Variants in DMD observed in about 807,000 individuals in gnomAD.
The protein encoded by DMD is mutant dystrophin.
Under a neutral mutation model 330.1 loss-of-function variants are expected in DMD, and 63 were observed. The observed-to-expected ratio is 0.19, with a 90% CI of 0.16 to 0.24. DMD has a LOEUF of 0.24. DMD is among the 10% of genes least tolerant of loss of function. DMD has a pLI of 1.00. For synonymous variants in DMD, 1,223 were observed against 959.8 expected (o/e 1.27, Z -5.07); for missense variants, 3,344 against 2,684.1 (o/e 1.25, Z -5.43).
At chrX:32,602,887 G>T (rs190783644) in intron 12 of DMD, among the ~76,000 whole-genome samples, 10 of 111,192 alleles carry the variant, frequency 9.0e-5, no homozygotes, top group African/African-American at 3.3e-4. Flanking sequence ...GGAGAGAAAT[G>T]GTCTCAAAGG....
chrX:32,568,059 G>T (rs1208919634), intron 15 of DMD, among the ~76,000 whole-genome samples: 1 of 112,263 alleles, frequency 8.9e-6, no homozygotes, highest in Non-Finnish European at 1.9e-5. Context: ...CATGTCAGAA[G>T]AGGAGTGTGA....
chrX:33,211,437 C>T lies in DMD; in HGVS notation c.-125G>A. ...ACTTCAGCAGCTTTAAAAAAAGTAA[C>T]ACTTCAGTTTTTCCTATTCGTTTTT... On this transcript the variant is annotated 5_prime_UTR_variant, in exon 1 of 79. Transcript: ENST00000357033. 3.5e-6 allele frequency: 4 copies of T among 1,151,270 alleles called. No individual in the cohort carries two copies. Among genetic ancestry groups the T allele is most frequent in the Non-Finnish European group, 4.6e-6 (4 of 864,743 alleles). The allele number at this position is 1,151,270 out of a possible 1,213,427, so 94.9% of individuals were successfully genotyped here.
intron 2 of DMD, among the ~76,000 whole-genome samples, chrX:32,991,961 T>C (rs1017142799): frequency 8.9e-6 from 1 of 112,416 alleles, no homozygotes; most frequent in Admixed American, 9.5e-5. Flanking sequence ...TTATTGTGAA[T>C]GCTCCTATTT....
At chrX:31,416,464 T>G (rs1330287895) in intron 60 of DMD, among the ~76,000 whole-genome samples, 1 of 112,432 alleles carries the variant, frequency 8.9e-6, no homozygotes, top group African/African-American at 3.2e-5. Flanking sequence ...TAATTTTACG[T>G]CTGGTCTCCA....
At chrX:32,985,356 A>G (rs2092816506) in intron 2 of DMD, among the ~76,000 whole-genome samples, 1 of 112,213 alleles carries the variant, frequency 8.9e-6, no homozygotes, top group African/African-American at 3.2e-5. Context: ...CATAAGATGT[A>G]TTTTATCATG....
chrX:32,438,221 T>C lies in DMD; in HGVS notation c.4071+20A>G, dbSNP rs1352164799. 3 of 1,208,575 alleles carry C rather than the reference T, an allele frequency of 2.5e-6. No homozygotes were observed. In the South Asian group the frequency reaches 5.3e-5, roughly 21 times the overall value. On this transcript the variant is annotated intron_variant, in intron 29 of 78. Transcript: ENST00000357033. ...ATTAATGCAAATTAGATTAAAGAGA[T>C]TTTTCACTTATCTTCATACCTCTTC...
At chrX:31,472,581 A>G (rs2067378821) in intron 59 of DMD, among the ~76,000 whole-genome samples, 1 of 112,215 alleles carries the variant, frequency 8.9e-6, no homozygotes, top group Non-Finnish European at 1.9e-5. Flanking sequence ...GTCAAATTCT[A>G]ACATAGCGTT....
chrX:32,677,548 C>A (rs2062054866), intron 9 of DMD, among the ~76,000 whole-genome samples: 1 of 111,476 alleles, frequency 9.0e-6, no homozygotes, highest in Admixed American at 9.6e-5. Flanking sequence ...TTGTTTCTTT[C>A]TACCTCTTAA....
chrX:31,202,072 G>A (rs1294122521), intron 67 of DMD, among the ~76,000 whole-genome samples: 1 of 110,851 alleles, frequency 9.0e-6, no homozygotes, highest in African/African-American at 3.3e-5. Context: ...TGTAATCCCA[G>A]CTACTCGGGA....
intron 47 of DMD, among the ~76,000 whole-genome samples, chrX:31,905,742 G>T (rs953051363): frequency 1.8e-5 from 2 of 111,216 alleles, no homozygotes; most frequent in African/African-American, 6.6e-5. Flanking sequence ...TAGAGATGTA[G>T]TGTACTAACA....
In DMD at chrX:31,478,168, A is replaced by T. The variant is rs775546982; in HGVS notation, c.8875T>A (p.Ser2959Thr). The T allele has an allele frequency of 6.6e-6, 8 of 1,211,023 alleles. No individual in the cohort carries two copies. The highest frequency in any genetic ancestry group is 8.9e-6 in the Non-Finnish European group (8 of 895,242). The change falls in exon 59 of 79, where the codon TCC becomes ACC. Residue 2959 changes from serine to threonine, a missense_variant. Coordinates refer to ENST00000357033, the MANE Select transcript of DMD (RefSeq NM_004006.3). ...AGGAGATCGCCCACGGGCTGCCAGG[A>T]TCCCTTGATCACCTCAGCTTGGCGC... ...KLRQAEVIKG[S>T]WQPVGDLLID... is the part of the protein sequence containing the mutation.
intron 1 of DMD, among the ~76,000 whole-genome samples, chrX:33,293,098 C>A (rs894459303): frequency 9.0e-6 from 1 of 111,281 alleles, no homozygotes; most frequent in African/African-American, 3.3e-5. Context: ...TGTGATTATC[C>A]CTCAAAATCA....
chrX:31,833,350 A>T, intron 49 of DMD, among the ~76,000 whole-genome samples: 1 of 65,584 alleles, frequency 1.5e-5, no homozygotes, highest in South Asian at 1.1e-3. Context: ...GTGGAGAGGG[A>T]GGGAGGGAAA....
At chrX:32,087,207 A>G (rs781071443) in intron 44 of DMD, among the ~76,000 whole-genome samples, 9 of 111,968 alleles carry the variant, frequency 8.0e-5, no homozygotes, top group Non-Finnish European at 1.3e-4. Context: ...ACGTACATGT[A>G]ATTGAGAAAA....
intron 47 of DMD, among the ~76,000 whole-genome samples, chrX:31,901,810 G>A (rs986665888): frequency 2.7e-5 from 3 of 110,987 alleles, no homozygotes; most frequent in African/African-American, 9.8e-5. Flanking sequence ...CGTTTCTAAT[G>A]TATTTATTTT....
chrX:32,781,400 T>C (rs1009349743), intron 7 of DMD, among the ~76,000 whole-genome samples: 1 of 112,126 alleles, frequency 8.9e-6, no homozygotes, highest in Admixed American at 9.5e-5. Flanking sequence ...TGTTGTTTAC[T>C]CTGTTAATAT....
chrX:31,289,282 A>AAAAAAAAAAAAAAAAAAC (rs2053497375), intron 62 of DMD, among the ~76,000 whole-genome samples: 1 of 81,460 alleles, frequency 1.2e-5, no homozygotes, highest in South Asian at 4.6e-4. Flanking sequence ...ATAAAATAAA[A>AAAAAAAAAAAAAAAAAAC]TCCATCTCAA....
intron 6 of DMD, among the ~76,000 whole-genome samples, chrX:32,811,833 G>T (rs959617621): frequency 2.7e-5 from 3 of 109,702 alleles, no homozygotes; most frequent in Non-Finnish European, 5.6e-5. Context: ...TTAAATAGAC[G>T]TTTCGACTTG....
At chrX:31,800,211 C>T (rs1014042077) in intron 50 of DMD, among the ~76,000 whole-genome samples, 14 of 112,726 alleles carry the variant, frequency 1.2e-4, no homozygotes, top group Admixed American at 3.7e-4. Flanking sequence ...CTGCACTGTC[C>T]CAGCAGAGAG....
Sources: allele counts gnomAD v4.1 joint callset (sites outside exome capture counted in the v4.1 genomes callset), GRCh38; gene constraint gnomAD v4.1.1; transcripts MANE v1.5; gene names NCBI Gene and HGNC (gene_info 2026-07-23, HGNC 2026-07-21).